The following STAC variants were observed in gnomAD, a reference collection of about 807,000 sequenced individuals.
The protein encoded by STAC is SH3 and cysteine rich domain, also known as SH3 and cysteine-rich domain-containing protein.
Under a neutral mutation model 48.8 loss-of-function variants are expected in STAC, and 43 were observed. The ratio of observed to expected loss-of-function variants is 0.88; its 90% CI spans 0.69 to 1.14. The LOEUF (loss-of-function observed/expected upper bound fraction) is 1.14. Ranked by LOEUF, STAC falls within the 50% of genes most tolerant of loss-of-function variation. The pLI is 0.00. For missense variants in STAC, 497 were observed against 504.0 expected, an observed-to-expected ratio of 0.99 and a Z score of 0.13; for synonymous variants, 193 against 179.5, an observed-to-expected ratio of 1.07 and a Z score of -0.60.
At chr3:36,401,937 G>A (rs1366537988) in intron 1 of STAC, among the ~76,000 whole-genome samples, 1 of 152,122 alleles carries the variant, frequency 6.6e-6, no homozygotes, top group Non-Finnish European at 1.5e-5. Flanking sequence ...TGCTGTGCAA[G>A]GTGATTTAGG....
intron 8 of STAC, 74 bp downstream of exon 8, chr3:36,505,908 C>T: frequency 1.0e-6 from 1 of 970,378 alleles, no homozygotes; most frequent in Non-Finnish European, 1.6e-6. Flanking sequence ...AAAGTAAGTC[C>T]ATCTGTGCCC....
chr3:36,444,270 G>C (rs1696442572), intron 2 of STAC, among the ~76,000 whole-genome samples: 1 of 152,184 alleles, frequency 6.6e-6, no homozygotes, highest in Non-Finnish European at 1.5e-5. Context: ...TTTAGGAACA[G>C]TGCTTGTATC....
chr3:36,413,589 C>G (rs1233869690), intron 1 of STAC, among the ~76,000 whole-genome samples: 1 of 152,072 alleles, frequency 6.6e-6, no homozygotes, highest in Non-Finnish European at 1.5e-5. Context: ...AGATGGGTTT[C>G]CCGAATACAG....
chr3:36,422,254 G>A (rs947701921), intron 1 of STAC, among the ~76,000 whole-genome samples: 6 of 151,922 alleles, frequency 3.9e-5, no homozygotes, highest in African/African-American at 1.2e-4. Flanking sequence ...TTACTTTCCA[G>A]GTCTAGGAAA....
At chr3:36,459,279 G>C (rs1288394491) in intron 2 of STAC, 1 of 152,030 alleles carries the variant, frequency 6.6e-6, no homozygotes, top group Non-Finnish European at 1.5e-5. Context: ...CTGAACCAAA[G>C]CATATACAAA....
intron 10 of STAC, among the ~76,000 whole-genome samples, chr3:36,531,211 A>G (rs1298221083): frequency 2.6e-5 from 4 of 152,218 alleles, no homozygotes; most frequent in Non-Finnish European, 5.9e-5. Flanking sequence ...TCATGAATAC[A>G]GTAATTCCAT....
rs113757739 is a variant in STAC, at chr3:36,486,116, C to A, written c.572-18C>A. 1 of 1,601,684 alleles carries A rather than the reference C, an allele frequency of 6.2e-7. No individual in the cohort carries two copies. Among genetic ancestry groups the A allele is most frequent in the Non-Finnish European group, 8.5e-7 (1 of 1,171,216 alleles). ...TCTCAGATGAGCTTCCTCAGATGAA[C>A]TTTCTCTTCTGTTGCAGCCTGTGGC... On this transcript the variant is annotated intron_variant, in intron 4 of 10. Coordinates refer to ENST00000273183, the MANE Select transcript of STAC (RefSeq NM_003149.3).
intron 1 of STAC, among the ~76,000 whole-genome samples, chr3:36,417,759 TTATG>T (rs1700352798): frequency 6.6e-6 from 1 of 152,186 alleles, no homozygotes; most frequent in South Asian, 2.1e-4. Context: ...ATGGGACAGA[TTATG>T]TATTATAGAA....
rs779192161 is a variant in STAC, at chr3:36,443,627, C to T, written c.375C>T (p.Asn125=). ...FKKPTFCDVC[N]HMIVGTNAKH... ...AGCCCACTTTCTGTGATGTCTGCAA[C>T]CACATGATAGTGGGTAAGGCCTCCC... Residue 125 remains asparagine, a synonymous_variant, in exon 2 of 11, where the codon AAC becomes AAT. Coordinates refer to ENST00000273183, the MANE Select transcript of STAC (RefSeq NM_003149.3). This position sits in a 1 kb window ranked among gnomAD's most constrained non-coding sequence, Gnocchi z 4.2. The T allele has an allele frequency of 1.9e-6, 3 of 1,612,214 alleles. No homozygotes were observed. The highest frequency in any genetic ancestry group is 2.2e-5 in the South Asian group (2 of 91,092).
Position 36,493,153 on chromosome 3 carries a change from T to G in STAC, c.690T>G (p.Thr230=). The stretch of plus-strand genomic sequence containing the variant: ...TGCTCTTTCTTCTTTCCTCCAAGAC[T>G]TCAGATCTTGTGGAGGTTCCTGAGG... ...SGSDSPHRTS[T]SDLVEVPEEA... Residue 230 remains threonine, a splice_region_variant and synonymous_variant, in exon 6 of 11, where the codon ACT becomes ACG. Coordinates refer to ENST00000273183, the MANE Select transcript of STAC (RefSeq NM_003149.3). 1 of 1,612,950 alleles carries G rather than the reference T, an allele frequency of 6.2e-7. No individual in the cohort carries two copies. The highest frequency in any genetic ancestry group is 8.5e-7 in the Non-Finnish European group (1 of 1,179,294).
chr3:36,521,087 T>C (rs1328636773), intron 8 of STAC, among the ~76,000 whole-genome samples: 5 of 152,088 alleles, frequency 3.3e-5, no homozygotes, highest in Admixed American at 1.3e-4. Flanking sequence ...CTAAGATTAA[T>C]GGAGCCATTT....
At chr3:36,491,871 A>C (rs1697976060) in intron 5 of STAC, among the ~76,000 whole-genome samples, 1 of 150,122 alleles carries the variant, frequency 6.7e-6, no homozygotes, top group Non-Finnish European at 1.5e-5. Flanking sequence ...AAAATTAGCC[A>C]GGCATGGTGG....
At chr3:36,462,411 T>C (rs1175573515) in intron 2 of STAC, among the ~76,000 whole-genome samples, 1 of 152,106 alleles carries the variant, frequency 6.6e-6, no homozygotes, top group African/African-American at 2.4e-5. Flanking sequence ...GAGTCTTGTC[T>C]AGATTAGAGA....
chr3:36,453,588 C>A (rs113182028), intron 2 of STAC, among the ~76,000 whole-genome samples: 3 of 145,708 alleles, frequency 2.1e-5, no homozygotes, highest in East Asian at 3.9e-4. Context: ...CCTCCCACCC[C>A]CTCCGTGGGT....
intron 1 of STAC, among the ~76,000 whole-genome samples, chr3:36,427,148 C>G (rs1392577266): frequency 6.6e-6 from 1 of 152,184 alleles, no homozygotes; most frequent in Non-Finnish European, 1.5e-5. Context: ...ATTTTGCAAA[C>G]AAGAGCTCTA....
At chr3:36,477,710 C>T (rs1157342063) in intron 2 of STAC, among the ~76,000 whole-genome samples, 1 of 152,154 alleles carries the variant, frequency 6.6e-6, no homozygotes, top group Admixed American at 6.6e-5. Flanking sequence ...TTGATCCATT[C>T]CAAACTCTAT....
At chr3:36,399,314 G>T (rs1272396940) in intron 1 of STAC, among the ~76,000 whole-genome samples, 1 of 152,224 alleles carries the variant, frequency 6.6e-6, no homozygotes, top group Non-Finnish European at 1.5e-5. Context: ...TTTAGCCAGA[G>T]CAGTCGTTTC....
At chr3:36,480,173 G>C (rs1363920442) in intron 2 of STAC, among the ~76,000 whole-genome samples, 4 of 152,102 alleles carry the variant, frequency 2.6e-5, no homozygotes, top group Middle Eastern at 3.2e-3. Context: ...TTCCCACATA[G>C]AGCACAAATA....
At chr3:36,391,953 C>G (rs1267286150) in intron 1 of STAC, among the ~76,000 whole-genome samples, 2 of 152,168 alleles carry the variant, frequency 1.3e-5, no homozygotes, top group African/African-American at 4.8e-5. Flanking sequence ...AATGCCACTG[C>G]TCCCTTGCCC....
Sources: allele counts gnomAD v4.1 joint callset (sites outside exome capture counted in the v4.1 genomes callset), GRCh38; gene constraint gnomAD v4.1.1; non-coding constraint Gnocchi (gnomAD v3.1); transcripts MANE v1.5; gene names NCBI Gene and HGNC (gene_info 2026-07-23, HGNC 2026-07-21).